CSMD1: variants seen among roughly 807,000 people sequenced by gnomAD.
CSMD1 encodes CUB and sushi domain-containing protein 1.
A neutral mutation model predicts 417.5 loss-of-function variants in CSMD1; 213 were observed. That is an observed-to-expected ratio of 0.51 (90% CI 0.46 to 0.57). CSMD1 has a LOEUF of 0.57. Among genes scored for constraint, CSMD1 ranks in the 20% least tolerant of loss-of-function variants. The pLI is 0.00. For synonymous variants in CSMD1, 2,862 were observed against 1,736.8 expected (o/e 1.65, Z -16.11); for missense variants, 6,923 against 4,529.7 (o/e 1.53, Z -15.17).
intron 2 of CSMD1, among the ~76,000 whole-genome samples, chr8:4,576,626 C>T (rs1799149815): frequency 6.6e-6 from 1 of 152,018 alleles, no homozygotes; most frequent in Non-Finnish European, 1.5e-5. Flanking sequence ...ATATATATAG[C>T]ATTTATTAAA....
chr8:3,255,320 AC>A (rs1163112399), intron 26 of CSMD1, among the ~76,000 whole-genome samples: 15 of 151,758 alleles, frequency 9.9e-5, no homozygotes, highest in African/African-American at 3.6e-4. Context: ...GGGGACAGGG[AC>A]CCACTTGAGG....
At chr8:4,130,267 T>G (rs1803017596) in intron 3 of CSMD1, among the ~76,000 whole-genome samples, 1 of 152,290 alleles carries the variant, frequency 6.6e-6, no homozygotes, top group African/African-American at 2.4e-5. Flanking sequence ...ATGTCTATAT[T>G]CATGCAAACG....
chr8:3,594,148 C>G (rs1315067705), intron 8 of CSMD1, among the ~76,000 whole-genome samples: 1 of 152,168 alleles, frequency 6.6e-6, no homozygotes. Flanking sequence ...TTCCATGGGC[C>G]TCTGCTATGC....
intron 3 of CSMD1, among the ~76,000 whole-genome samples, chr8:4,066,178 T>G (rs1799235901): frequency 6.6e-6 from 1 of 152,224 alleles, no homozygotes; most frequent in Non-Finnish European, 1.5e-5. Flanking sequence ...AAGATTCACA[T>G]TCACCTCTCC....
intron 2 of CSMD1, among the ~76,000 whole-genome samples, chr8:4,540,484 G>C (rs913870335): frequency 2.6e-5 from 4 of 152,156 alleles, no homozygotes; most frequent in African/African-American, 9.7e-5. Context: ...CAGGAGAATG[G>C]CTTGAGCCCA....
chr8:4,842,869 T>C (rs1358728970), intron 1 of CSMD1, among the ~76,000 whole-genome samples: 7 of 152,184 alleles, frequency 4.6e-5, no homozygotes, highest in African/African-American at 1.7e-4. Flanking sequence ...GCTTAAAGGC[T>C]TATCAATAGA....
intron 5 of CSMD1, among the ~76,000 whole-genome samples, chr8:3,900,165 G>C (rs529901794): frequency 2.6e-5 from 4 of 152,230 alleles, no homozygotes; most frequent in East Asian, 3.9e-4. Context: ...TGACACCACA[G>C]CTGGGTGACA....
At chr8:3,501,883 C>G (rs1042803390) in intron 10 of CSMD1, among the ~76,000 whole-genome samples, 1 of 152,150 alleles carries the variant, frequency 6.6e-6, no homozygotes, top group South Asian at 2.1e-4. Flanking sequence ...GATAAGGAGA[C>G]AAACTGACCA....
intron 5 of CSMD1, among the ~76,000 whole-genome samples, chr8:3,897,032 T>C (rs1160357592): frequency 6.6e-6 from 1 of 152,090 alleles, no homozygotes; most frequent in Non-Finnish European, 1.5e-5. Flanking sequence ...TCCCTGGATC[T>C]AATTTTTGTC....
chr8:3,377,953 G>A (rs1357911942), intron 18 of CSMD1, among the ~76,000 whole-genome samples: 1 of 152,136 alleles, frequency 6.6e-6, no homozygotes, highest in East Asian at 1.9e-4. Flanking sequence ...TAAAAGAATT[G>A]AGGTCAGAAA....
intron 3 of CSMD1, among the ~76,000 whole-genome samples, chr8:4,353,964 T>C (rs1225299999): frequency 6.6e-6 from 1 of 152,148 alleles, no homozygotes; most frequent in Non-Finnish European, 1.5e-5. Flanking sequence ...CCCTCTATGA[T>C]GATATATTGT....
intron 3 of CSMD1, among the ~76,000 whole-genome samples, chr8:4,288,821 T>G (rs1056300738): frequency 6.6e-6 from 1 of 152,184 alleles, no homozygotes; most frequent in Non-Finnish European, 1.5e-5. Context: ...TCAAGTCCCA[T>G]TACGTCAGTA....
chr8:3,221,935 C>G (rs776573291), intron 28 of CSMD1, among the ~76,000 whole-genome samples: 1 of 152,116 alleles, frequency 6.6e-6, no homozygotes, highest in Non-Finnish European at 1.5e-5. Flanking sequence ...TTGCCATCAT[C>G]CTGACACTGC....
At chr8:4,972,251 T>A (rs567183106) in intron 1 of CSMD1, among the ~76,000 whole-genome samples, 4 of 152,000 alleles carry the variant, frequency 2.6e-5, no homozygotes, top group Non-Finnish European at 5.9e-5. Context: ...AACCATGGAA[T>A]GGGACACTGA....
At chr8:4,127,900 A>T (rs1802860530) in intron 3 of CSMD1, among the ~76,000 whole-genome samples, 2 of 152,164 alleles carry the variant, frequency 1.3e-5, no homozygotes, top group Non-Finnish European at 1.5e-5. Flanking sequence ...GCAGAATTAA[A>T]TTCAGGTACT....
chr8:3,955,503 G>A (rs998631173), intron 5 of CSMD1, among the ~76,000 whole-genome samples: 3 of 152,160 alleles, frequency 2.0e-5, no homozygotes, highest in Non-Finnish European at 4.4e-5. Flanking sequence ...ACTCATGTTT[G>A]AAGCTGTCAG....
At chr8:4,214,010 T>C (rs540338458) in intron 3 of CSMD1, among the ~76,000 whole-genome samples, 1 of 152,322 alleles carries the variant, frequency 6.6e-6, no homozygotes, top group African/African-American at 2.4e-5. Context: ...GGCAAAGTTC[T>C]GACGATGTAA....
intron 47 of CSMD1, 49 bp from the exon 48 acceptor site, chr8:3,091,711 C>A: frequency 1.3e-6 from 2 of 1,549,244 alleles, no homozygotes; most frequent in Non-Finnish European, 1.7e-6. Context: ...TGAGCACCTA[C>A]CAAATGCATA....
chr8:4,081,759 C>T (rs557748769), intron 3 of CSMD1, among the ~76,000 whole-genome samples: 29 of 152,196 alleles, frequency 1.9e-4, no homozygotes, highest in African/African-American at 6.7e-4. Context: ...TTTTTAAAGA[C>T]CCCAAATATC....
Sources: gnomAD v4.1 joint callset for allele counts (sites outside exome capture counted in the v4.1 genomes callset) on GRCh38, gnomAD v4.1.1 for gene constraint, MANE v1.5 for transcripts, NCBI Gene and HGNC (gene_info 2026-07-23, HGNC 2026-07-21) for gene names.